Variants in GPC3 observed in about 807,000 individuals in gnomAD.
GPC3 encodes glypican 3, also known as glypican-3.
A neutral mutation model predicts 34.4 loss-of-function variants in GPC3; 3 were observed. That is an observed-to-expected ratio of 0.09 (90% confidence interval 0.04 to 0.23). The LOEUF is 0.23. Among genes scored for constraint, GPC3 ranks in the 10% least tolerant of loss-of-function variants. The pLI is 1.00. For synonymous variants in GPC3, 177 were observed against 174.0 expected (o/e 1.02, Z -0.13); for missense variants, 351 against 445.6 (o/e 0.79, Z 1.91).
intron 2 of GPC3, among the ~76,000 whole-genome samples, chrX:133,778,876 C>T (rs182295634): frequency 8.9e-6 from 1 of 112,015 alleles, no homozygotes; most frequent in African/African-American, 3.2e-5. Context: ...GATTATCGCA[C>T]AACACTTGAA....
chrX:133,588,620 T>C (rs1378075412), intron 7 of GPC3, among the ~76,000 whole-genome samples: 2 of 111,210 alleles, frequency 1.8e-5, no homozygotes, highest in African/African-American at 6.6e-5. Context: ...GACTTGACAC[T>C]TTAGAAGAAC....
intron 2 of GPC3, among the ~76,000 whole-genome samples, chrX:133,840,938 C>G: frequency 9.0e-6 from 1 of 111,391 alleles, no homozygotes; most frequent in Non-Finnish European, 1.9e-5. Flanking sequence ...GGCATCTTTT[C>G]TGGTTCATAA....
At chrX:133,934,041 A>AT (rs776268390) in intron 2 of GPC3, among the ~76,000 whole-genome samples, 5,236 of 85,902 alleles carry the variant, frequency 0.061, 158 homozygotes, top group Non-Finnish European at 0.089. Context: ...AATTTTTTGT[A>AT]TTTTTTTTTT....
intron 3 of GPC3, among the ~76,000 whole-genome samples, chrX:133,744,471 C>T (rs765154767): frequency 8.9e-6 from 1 of 112,533 alleles, no homozygotes; most frequent in Admixed American, 9.4e-5. Context: ...GATACCATCT[C>T]ACGTCAGTTA....
intron 3 of GPC3, among the ~76,000 whole-genome samples, chrX:133,741,656 T>C (rs936546349): frequency 8.9e-6 from 1 of 112,244 alleles, no homozygotes; most frequent in African/African-American, 3.3e-5. Flanking sequence ...TCTCTCTGTC[T>C]CAGTTCTTTA....
At chrX:133,801,163 A>G (rs1054702906) in intron 2 of GPC3, among the ~76,000 whole-genome samples, 1 of 111,863 alleles carries the variant, frequency 8.9e-6, no homozygotes, top group African/African-American at 3.3e-5. Flanking sequence ...ACCTTATAAG[A>G]AAATTAATTG....
intron 2 of GPC3, among the ~76,000 whole-genome samples, chrX:133,924,642 A>G (rs1441639888): frequency 8.9e-6 from 1 of 112,319 alleles, no homozygotes; most frequent in East Asian, 2.8e-4. Flanking sequence ...TCCACACTAC[A>G]TTAATAACCT....
chrX:133,770,827 C>A (rs770065469), intron 2 of GPC3, among the ~76,000 whole-genome samples: 11 of 112,347 alleles, frequency 9.8e-5, no homozygotes, highest in African/African-American at 3.2e-4. Flanking sequence ...AGCACAGAAT[C>A]CACCTCGTAG....
At chrX:133,822,582 A>G (rs1453926060) in intron 2 of GPC3, among the ~76,000 whole-genome samples, 1 of 111,471 alleles carries the variant, frequency 9.0e-6, no homozygotes, top group Non-Finnish European at 1.9e-5. Flanking sequence ...ATAGATGTGC[A>G]TGTATAGGAA....
intron 2 of GPC3, among the ~76,000 whole-genome samples, chrX:133,814,283 G>A (rs1032300958): frequency 8.1e-5 from 9 of 111,196 alleles, no homozygotes; most frequent in African/African-American, 2.6e-4. Flanking sequence ...AGCAAAGGGA[G>A]TATTTGTTTA....
At chrX:133,574,230 A>G (rs1302870453) in intron 7 of GPC3, among the ~76,000 whole-genome samples, 1 of 111,272 alleles carries the variant, frequency 9.0e-6, no homozygotes, top group Non-Finnish European at 1.9e-5. Flanking sequence ...AACATGTTCT[A>G]AAATTGATTG....
chrX:133,649,485 G>A (rs2070575813), intron 6 of GPC3, among the ~76,000 whole-genome samples: 1 of 111,039 alleles, frequency 9.0e-6, no homozygotes. Context: ...TGGACCATGG[G>A]TTATCAGATT....
chrX:133,619,239 T>C (rs2070202667), intron 6 of GPC3, among the ~76,000 whole-genome samples: 1 of 112,316 alleles, frequency 8.9e-6, no homozygotes, highest in Non-Finnish European at 1.9e-5. Flanking sequence ...CTGGTGGGAA[T>C]GTAAAATGGT....
intron 7 of GPC3, among the ~76,000 whole-genome samples, chrX:133,579,050 A>G (rs2069711450): frequency 9.0e-6 from 1 of 111,055 alleles, no homozygotes. Flanking sequence ...ACCAAAGTGC[A>G]TGTCATTTTC....
chrX:133,791,423 C>G (rs770438198), intron 2 of GPC3, among the ~76,000 whole-genome samples: 4 of 111,838 alleles, frequency 3.6e-5, no homozygotes, highest in Non-Finnish European at 7.5e-5. Context: ...CATTAAGCTC[C>G]TTTAAAACAG....
At chrX:133,615,812 A>T (rs753217086) in intron 6 of GPC3, among the ~76,000 whole-genome samples, 2 of 111,000 alleles carry the variant, frequency 1.8e-5, no homozygotes, top group Non-Finnish European at 3.8e-5. Flanking sequence ...AAACCACATG[A>T]TTATCACAAT....
chrX:133,768,147 T>C (rs1382441690), intron 2 of GPC3, among the ~76,000 whole-genome samples: 1 of 110,609 alleles, frequency 9.0e-6, no homozygotes, highest in Non-Finnish European at 1.9e-5. Context: ...ATTATTTGAT[T>C]GCTGAGGAGT....
At position 133,919,924 on chromosome X, in the gene GPC3, C is replaced by T. The variant is rs191815178; in HGVS notation, c.337+33126G>A. ...CCTGTAATCTCAGCACTTTTGGAAG[C>T]TGAGGTAGGAGGACTGCTTGAGCTC... On this transcript the variant is annotated intron_variant, in intron 2 of 7. Coordinates refer to ENST00000370818, the MANE Select transcript of GPC3 (RefSeq NM_004484.4). Among the ~76,000 whole-genome samples, 242 of 109,156 alleles carry T rather than the reference C, an allele frequency of 2.2e-3. 1 individual carries two copies. The highest frequency in any genetic ancestry group is 0.01 in the South Asian group (25 of 2,477). The allele number at this position is 109,156 out of a possible 115,157, so 94.8% of individuals were successfully genotyped here. A position where few individuals can be genotyped will look rare whatever the true frequency, so the allele number is the denominator to read the frequency against.
chrX:133,815,466 C>T (rs1411871550), intron 2 of GPC3, among the ~76,000 whole-genome samples: 1 of 108,981 alleles, frequency 9.2e-6, no homozygotes, highest in East Asian at 2.9e-4. Flanking sequence ...TAGAAGGAGT[C>T]AGGTTTGTTT....
Sources: allele counts gnomAD v4.1 joint callset (sites outside exome capture counted in the v4.1 genomes callset), GRCh38; gene constraint gnomAD v4.1.1; transcripts MANE v1.5; gene names NCBI Gene and HGNC (gene_info 2026-07-23, HGNC 2026-07-21).